Variants in PPP1R21 observed in about 807,000 individuals in gnomAD.
The protein encoded by PPP1R21 is KLRAQ motif containing 1.
A neutral mutation model predicts 112.8 loss-of-function variants in PPP1R21; 85 were observed. That is an observed-to-expected ratio of 0.75 (90% CI 0.63 to 0.90). The LOEUF (loss-of-function observed/expected upper bound fraction) is 0.90, where lower values mean the gene tolerates loss of function less well. Among genes scored for constraint, PPP1R21 ranks in the 40% least tolerant of loss-of-function variants. The probability of loss-of-function intolerance (pLI) is 0.00; values close to 1 mark genes in which losing one functional copy is unlikely to be tolerated. For synonymous variants in PPP1R21, 381 were observed against 322.3 expected (o/e 1.18, Z -1.95); for missense variants, 1,199 against 901.5 (o/e 1.33, Z -4.23).
chr2:48,461,380 G>T (rs1215253501), intron 7 of PPP1R21, 148 bp downstream of exon 7: 4 of 1,230,412 alleles, frequency 3.3e-6, no homozygotes, highest in Non-Finnish European at 3.1e-6. Flanking sequence ...GATCAGCCGT[G>T]GTAATCATAT....
chr2:48,507,381 C>T lies in PPP1R21; in HGVS notation c.2081C>T (p.Ala694Val). ...GACAGTAAGTCAGTGCATTTTTATG[C>T]CGAGGTGAGTGTAGATTTAATTAGA... ...LADSKSVHFY[A>V]ECRALSKRLA... The change falls in exon 19 of 22, where the codon GCC (alanine) becomes GTC (valine). Residue 694 changes from alanine (A) to valine (V), a missense_variant. Transcript: ENST00000294952. 2.5e-6 allele frequency: 4 copies of T among 1,600,764 alleles called. No homozygotes were observed. Among genetic ancestry groups the T allele is most frequent in the Non-Finnish European group, 3.4e-6 (4 of 1,175,772 alleles).
At chr2:48,507,942 T>G (rs1670464055) in intron 19 of PPP1R21, among the ~76,000 whole-genome samples, 1 of 151,424 alleles carries the variant, frequency 6.6e-6, no homozygotes, top group African/African-American at 2.4e-5. Flanking sequence ...ATTTTTGTAT[T>G]TTTGTAGAGA....
chr2:48,450,878 T>C (rs2103756483), intron 1 of PPP1R21, 130 bp from the exon 2 acceptor site: 3 of 665,560 alleles, frequency 4.5e-6, no homozygotes, highest in Non-Finnish European at 5.3e-6. Context: ...CTAATACTTT[T>C]TTGTTCTCAT....
chr2:48,503,535 G>C (rs1670225407), intron 17 of PPP1R21, among the ~76,000 whole-genome samples: 2 of 152,122 alleles, frequency 1.3e-5, no homozygotes, highest in South Asian at 2.1e-4. Flanking sequence ...ACTTCAGAAG[G>C]CATGAATATT....
chr2:48,491,836 C>G (rs1394164949), intron 15 of PPP1R21, among the ~76,000 whole-genome samples: 1 of 151,672 alleles, frequency 6.6e-6, no homozygotes, highest in African/African-American at 2.4e-5. Flanking sequence ...CAAGGGACAT[C>G]ATTAAAAAAG....
chr2:48,511,529 T>C (rs1422430197), intron 21 of PPP1R21, 61 bp downstream of exon 21: 3 of 1,577,926 alleles, frequency 1.9e-6, no homozygotes, highest in East Asian at 2.2e-5. Context: ...AGGTATTTTA[T>C]TGTTATGCAT....
At chr2:48,499,641 A>G (rs771168531) in intron 17 of PPP1R21, among the ~76,000 whole-genome samples, 20 of 152,356 alleles carry the variant, frequency 1.3e-4, no homozygotes, top group Admixed American at 4.6e-4. Context: ...TCTATGATCT[A>G]TTCCTAGAGA....
rs1670336028 is a variant in PPP1R21 at position 48,505,562 on chromosome 2, A to G, written c.1936-2A>G. On this transcript the variant is annotated splice_acceptor_variant, in intron 17 of 21. Transcript: ENST00000294952. LOFTEE classifies it high-confidence loss of function. ...TAAAAGATTTTTCCCCTTATGTTCT[A>G]GATTGGGACTTTAACCAGGACATCT... The G allele has an allele frequency of 1.9e-6, 3 of 1,548,772 alleles. No homozygotes were observed. The highest frequency in any genetic ancestry group is 2.6e-6 in the Non-Finnish European group (3 of 1,143,896).
At chr2:48,461,036 A>G in intron 6 of PPP1R21, 102 bp from the exon 7 acceptor site, 3 of 1,471,570 alleles carry the variant, frequency 2.0e-6, no homozygotes, top group Non-Finnish European at 2.7e-6. Context: ...TGTCAGGTGC[A>G]GTTCTCTGGA....
At chr2:48,506,402 A>G (rs1012411555) in intron 18 of PPP1R21, among the ~76,000 whole-genome samples, 2 of 152,128 alleles carry the variant, frequency 1.3e-5, no homozygotes, top group African/African-American at 4.8e-5. Context: ...CCACTTTAAG[A>G]TGTAACTTTA....
At chr2:48,475,951 T>G (rs1668734600) in intron 12 of PPP1R21, among the ~76,000 whole-genome samples, 1 of 152,228 alleles carries the variant, frequency 6.6e-6, no homozygotes, top group Non-Finnish European at 1.5e-5. Flanking sequence ...AACAGCATTA[T>G]TGTATAATTT....
intron 17 of PPP1R21, among the ~76,000 whole-genome samples, chr2:48,504,527 A>C (rs1441612807): frequency 1.3e-5 from 2 of 151,834 alleles, no homozygotes; most frequent in East Asian, 1.9e-4. Context: ...TGTAATCCCC[A>C]CTACTCGGGA....
In PPP1R21 at chr2:48,459,828, A is replaced by G; in HGVS notation, c.450A>G (p.Glu150=). ...GTCGACTGGCCACTCTGGAGACAGA[A>G]GCAGCCCAGCACCAAGCTGTGGTTG... ...LRSRLATLET[E]AAQHQAVVDG... The change falls in exon 5 of 22, where the codon GAA becomes GAG. Residue 150 remains glutamate, a synonymous_variant. Transcript: ENST00000294952. 1 of 1,614,202 alleles carries G rather than the reference A, an allele frequency of 6.2e-7. No individual in the cohort carries two copies. The highest frequency in any genetic ancestry group is 1.1e-5 in the South Asian group (1 of 91,078).
At chr2:48,446,713 G>T (rs907980643) in intron 1 of PPP1R21, among the ~76,000 whole-genome samples, 1 of 152,096 alleles carries the variant, frequency 6.6e-6, no homozygotes, top group Non-Finnish European at 1.5e-5. Flanking sequence ...TCTTTACCAT[G>T]GAGAACAGTT....
intron 12 of PPP1R21, among the ~76,000 whole-genome samples, chr2:48,477,181 T>C (rs1668797068): frequency 6.7e-6 from 1 of 149,826 alleles, no homozygotes; most frequent in Admixed American, 6.7e-5. Flanking sequence ...GAGTGCAGTG[T>C]CACACTCTCA....
rs1279914074 is a variant in PPP1R21, at chr2:48,483,033, A to G, written c.1318+3017A>G. On this transcript the variant is annotated intron_variant, in intron 13 of 21. Coordinates refer to ENST00000294952, the MANE Select transcript of PPP1R21 (RefSeq NM_001135629.3). ...CTTCCATTGACAAGTGAGAACATGC[A>G]GTATTTGATTTTCTGTTTCTGCGTT... Among the ~76,000 whole-genome samples, 4 of 152,076 alleles carry G rather than the reference A, an allele frequency of 2.6e-5. No individual in the cohort carries two copies. In the East Asian group the frequency reaches 7.7e-4, roughly 29 times the overall value.
In PPP1R21 at chr2:48,440,812, C is replaced by CGCGGCGGCGGCG. The variant is rs34664331; in HGVS notation, c.-130_-119dup. 4.5e-4 allele frequency: 279 copies of CGCGGCGGCGGCG among 626,748 alleles called. 12 individuals are homozygous for CGCGGCGGCGGCG. The highest frequency in any genetic ancestry group is 1.4e-3 in the East Asian group (43 of 30,346). 38.8% of individuals were successfully genotyped at this position (626,748 alleles called of 1,614,324 possible). ...GGGAACCCGGAAGTGGAGGAGGAGG[C>CGCGGCGGCGGCG]GCGGCGGCGGCGGCGGCGGCGGCTG... is the stretch of plus-strand genomic sequence containing the variant. On this transcript the variant is annotated 5_prime_UTR_variant, in exon 1 of 22. Coordinates refer to ENST00000294952, the MANE Select transcript of PPP1R21 (RefSeq NM_001135629.3).
intron 11 of PPP1R21, 60 bp from the exon 12 acceptor site, chr2:48,474,623 C>T (rs1572859435): frequency 2.0e-6 from 3 of 1,487,370 alleles, no homozygotes; most frequent in Non-Finnish European, 1.8e-6. Flanking sequence ...TGGTTGGCTG[C>T]TAGTAGCTAA....
At chr2:48,452,470 G>T (rs1433432938) in intron 2 of PPP1R21, among the ~76,000 whole-genome samples, 2 of 151,652 alleles carry the variant, frequency 1.3e-5, no homozygotes, top group African/African-American at 4.8e-5. Context: ...ATTGGTTAAT[G>T]GAGTTGGAGC....
Sources: gnomAD v4.1 joint callset for allele counts (sites outside exome capture counted in the v4.1 genomes callset) on GRCh38, gnomAD v4.1.1 for gene constraint, MANE v1.5 for transcripts, NCBI Gene and HGNC (gene_info 2026-07-23, HGNC 2026-07-21) for gene names.